RTN4: variants seen among roughly 807,000 people sequenced by gnomAD.
RTN4 encodes the protein reticulon-4.
A neutral mutation model predicts 90.4 loss-of-function variants in RTN4; 32 were observed. The ratio of observed to expected loss-of-function variants is 0.35; its 90% CI spans 0.27 to 0.48. The LOEUF is 0.48. Among genes scored for constraint, RTN4 ranks in the 20% least tolerant of loss-of-function variants. The pLI is 0.99. For synonymous variants in RTN4, 629 were observed against 552.5 expected (o/e 1.14, Z -1.94); for missense variants, 1,706 against 1,430.2 (o/e 1.19, Z -3.11).
At chr2:55,068,688 G>A (rs1204839203) in intron 2 of RTN4, among the ~76,000 whole-genome samples, 1 of 107,512 alleles carries the variant, frequency 9.3e-6, no homozygotes, top group Non-Finnish European at 1.8e-5. Flanking sequence ...AGGGGGGGGG[G>A]TGGGGGCTAG....
the RTN4 span, among the ~76,000 whole-genome samples, chr2:55,131,840 C>T: frequency 6.6e-6 from 1 of 151,988 alleles, no homozygotes; most frequent in African/African-American, 2.4e-5. Flanking sequence ...GCCAAGATGG[C>T]ACCATTGCAC....
chr2:55,093,396 A>G (rs533803976), intron 1 of RTN4, among the ~76,000 whole-genome samples: 1 of 82,142 alleles, frequency 1.2e-5, no homozygotes, highest in South Asian at 3.2e-4. Flanking sequence ...ATATATATTT[A>G]ATTTATTTTA....
chr2:55,124,011 C>T, the RTN4 span, among the ~76,000 whole-genome samples: 1 of 152,122 alleles, frequency 6.6e-6, no homozygotes, highest in Non-Finnish European at 1.5e-5. Context: ...CCTTATTGTA[C>T]TGGCCCACAG....
intron 2 of RTN4, among the ~76,000 whole-genome samples, chr2:55,066,326 G>C (rs1215422279): frequency 6.6e-6 from 1 of 152,064 alleles, no homozygotes; most frequent in Non-Finnish European, 1.5e-5. Context: ...ACTGGGATGT[G>C]GGACTGAGGG....
intron 1 of RTN4, among the ~76,000 whole-genome samples, chr2:55,092,595 A>G (rs944068894): frequency 6.6e-6 from 1 of 152,200 alleles, no homozygotes; most frequent in Non-Finnish European, 1.5e-5. Flanking sequence ...AAAGTGCTCA[A>G]CACAAACTTG....
chr2:55,128,143 G>A, the RTN4 span, among the ~76,000 whole-genome samples: 1 of 152,144 alleles, frequency 6.6e-6, no homozygotes, highest in Non-Finnish European at 1.5e-5. Context: ...ACCGCACTGG[G>A]ACTGTGACTG....
chr2:55,010,024 T>C, intron 3 of RTN4: 2 of 1,554,922 alleles, frequency 1.3e-6, no homozygotes, highest in Non-Finnish European at 1.8e-6. Context: ...CCAAAGCTTA[T>C]TCATAGAAAT....
chr2:54,978,570 GTTT>G (rs1241734694), intron 5 of RTN4, among the ~76,000 whole-genome samples: 2 of 150,786 alleles, frequency 1.3e-5, no homozygotes, highest in African/African-American at 4.9e-5. Flanking sequence ...TCAAATTGTT[GTTT>G]AAAAACTATT....
chr2:54,998,132 T>A (rs566779250), intron 3 of RTN4, among the ~76,000 whole-genome samples: 6 of 151,572 alleles, frequency 4.0e-5, no homozygotes, highest in African/African-American at 1.2e-4. Context: ...GCCTTGAATA[T>A]GCAAGTTATG....
chr2:55,013,359 A>G (rs1680784491), intron 3 of RTN4, among the ~76,000 whole-genome samples: 1 of 152,104 alleles, frequency 6.6e-6, no homozygotes, highest in Non-Finnish European at 1.5e-5. Context: ...AAAAAATCAA[A>G]GATGAAAACT....
intron 1 of RTN4, among the ~76,000 whole-genome samples, chr2:55,097,735 A>G (rs1032352856): frequency 6.6e-6 from 1 of 152,138 alleles, no homozygotes; most frequent in Non-Finnish European, 1.5e-5. Context: ...GTTTTGGAAC[A>G]TGTTGACTTT....
chr2:54,987,185 C>G (rs1024647886), intron 4 of RTN4, among the ~76,000 whole-genome samples: 3 of 152,064 alleles, frequency 2.0e-5, no homozygotes, highest in African/African-American at 7.2e-5. Flanking sequence ...CTCATCAAAC[C>G]TACCCATGTT....
chr2:55,111,154 T>C (rs772949564), intron 1 of RTN4, among the ~76,000 whole-genome samples: 2 of 152,220 alleles, frequency 1.3e-5, no homozygotes, highest in Non-Finnish European at 2.9e-5. Context: ...ACTTGCTTGC[T>C]TGCTAACCTT....
At chr2:55,050,786 G>C (rs1668066430), upstream of RTN4, 1 of 140,790 alleles carries the variant, frequency 7.1e-6, no homozygotes. The surrounding 1 kb of genome is among the most constrained non-coding windows in gnomAD (Gnocchi z 4.6). Context: ...GTAACCGTGA[G>C]TTGGGGTGGG....
At chr2:55,034,498 T>C (rs568714823) in intron 1 of RTN4, among the ~76,000 whole-genome samples, 2 of 152,218 alleles carry the variant, frequency 1.3e-5, no homozygotes, top group African/African-American at 4.8e-5. Flanking sequence ...TAAGACCTTA[T>C]CTCTAAACGA....
At position 54,987,590 on chromosome 2, in the gene RTN4, G is replaced by C. The variant is rs750712573; in HGVS notation, c.3122C>G (p.Ala1041Gly). The C allele has an allele frequency of 6.2e-7, 1 of 1,614,118 alleles. No homozygotes were observed. The highest frequency in any genetic ancestry group is 1.1e-5 in the South Asian group (1 of 91,082). Residue 1041 changes from alanine (A) to glycine (G), a missense_variant, in exon 4 of 9, where the codon GCC becomes GGC. Ala to Gly is a moderately conservative substitution (Grantham distance 60). Transcript: ENST00000337526. ...LTVFSIVSVTAYIALALLSVT... is the reference protein window; with the variant it reads ...LTVFSIVSVTGYIALALLSVT... Reference sequence around the variant, plus strand: ...AGAGAGCAGGGCCAAGGCAATGTAGGCTGTTACGCTCACAATGCTGAATAC... The same window carrying C: ...AGAGAGCAGGGCCAAGGCAATGTAGCCTGTTACGCTCACAATGCTGAATAC...
At chr2:55,089,206 G>A (rs1211841193) in intron 1 of RTN4, among the ~76,000 whole-genome samples, 1 of 152,106 alleles carries the variant, frequency 6.6e-6, no homozygotes, top group East Asian at 1.9e-4. Flanking sequence ...CCAGAGTAGG[G>A]CTATCCTTAG....
At position 55,076,485 on chromosome 2, in the gene RTN4, C is replaced by T. The variant is rs141356203; in HGVS notation, c.-63+4004G>A. Reference sequence around the variant, plus strand: ...CACAATCTTGGCTCACTGCAACCTCCGCTTCCCAGGTTCTAGTGATTTTCC... The same window carrying T: ...CACAATCTTGGCTCACTGCAACCTCTGCTTCCCAGGTTCTAGTGATTTTCC... On this transcript the variant is annotated intron_variant, in intron 2 of 3. Transcript: ENST00000427710. 6.3e-3 allele frequency among the ~76,000 whole-genome samples: 928 copies of T among 147,178 alleles called. 3 individuals carry two copies. Among genetic ancestry groups the T allele is most frequent in the Non-Finnish European group, 0.01 (678 of 67,190 alleles).
upstream of RTN4, among the ~76,000 whole-genome samples, chr2:55,053,071 G>C (rs995244234): frequency 1.8e-4 from 28 of 152,114 alleles, no homozygotes; most frequent in Admixed American, 1.8e-3. Context: ...TAATATTGAT[G>C]CAATAATATA....
Sources: gnomAD v4.1 joint callset for allele counts (sites outside exome capture counted in the v4.1 genomes callset) on GRCh38, gnomAD v4.1.1 for gene constraint, Gnocchi (gnomAD v3.1) non-coding constraint, MANE v1.5 for transcripts, NCBI Gene and HGNC (gene_info 2026-07-23, HGNC 2026-07-21) for gene names.